ACER1: variants seen among roughly 807,000 people sequenced by gnomAD.
ACER1 encodes CTB-180A7.3.
A neutral mutation model predicts 24.9 loss-of-function variants in ACER1; 28 were observed. The observed-to-expected ratio is 1.13, with a 90% CI of 0.83 to 1.54. ACER1 has a LOEUF of 1.54. Ranked by LOEUF, ACER1 falls within the 40% of genes most tolerant of loss-of-function variation. ACER1 has a pLI of 0.00. For synonymous variants in ACER1, 132 were observed against 131.4 expected, an observed-to-expected ratio of 1.00 and a Z score of -0.03; for missense variants, 352 against 349.3, an observed-to-expected ratio of 1.01 and a Z score of -0.06.
chr19:6,312,850 T>A (rs939587505), intron 1 of ACER1, among the ~76,000 whole-genome samples: 1 of 151,780 alleles, frequency 6.6e-6, no homozygotes, highest in African/African-American at 2.4e-5. Flanking sequence ...TAATTTTTTA[T>A]ATTTTTGGTA....
At chr19:6,314,295 T>C (rs2091593690) in intron 1 of ACER1, among the ~76,000 whole-genome samples, 1 of 151,106 alleles carries the variant, frequency 6.6e-6, no homozygotes, top group South Asian at 2.1e-4. Flanking sequence ...CATGGTGAAA[T>C]CCCATCTCTA....
chr19:6,345,892 A>G, the ACER1 span, among the ~76,000 whole-genome samples: 55 of 150,672 alleles, frequency 3.7e-4, no homozygotes, highest in Non-Finnish European at 5.5e-4. Context: ...TTATAATAAT[A>G]ATAATAATTA....
At position 6,306,552 on chromosome 19, in the gene ACER1, T is replaced by A; in HGVS notation, c.*162A>T. Reference sequence around the variant, plus strand: ...CTGCTCAGAGATGTCACAAAGTCCATCATCTGCCTCAAGGCAGGGCAGCGC... The same window carrying A: ...CTGCTCAGAGATGTCACAAAGTCCAACATCTGCCTCAAGGCAGGGCAGCGC... On this transcript the variant is annotated 3_prime_UTR_variant, in exon 6 of 6. Transcript: ENST00000301452. 1.2e-6 allele frequency: 1 copy of A among 821,566 alleles called. No individual in the cohort carries two copies. The highest frequency in any genetic ancestry group is 1.8e-6 in the Non-Finnish European group (1 of 549,370). The allele number at this position is 821,566 out of a possible 1,614,324, so 50.9% of individuals were successfully genotyped here. A position where few individuals can be genotyped will look rare whatever the true frequency, so the allele number is the denominator to read the frequency against.
the ACER1 span, among the ~76,000 whole-genome samples, chr19:6,347,109 A>AAATATATATATATATATATATAT: frequency 8.8e-6 from 1 of 113,822 alleles, no homozygotes; most frequent in African/African-American, 5.1e-5. Context: ...AAAAAAAAAA[A>AAATATATATATATATATATATAT]ATATATATAT....
chr19:6,351,338 C>A, the ACER1 span, among the ~76,000 whole-genome samples: 3 of 151,496 alleles, frequency 2.0e-5, no homozygotes, highest in African/African-American at 7.3e-5. Context: ...TGCATTCCAG[C>A]CTGGGCAAAA....
chr19:6,326,185 GCA>G (rs1457102161), intron 1 of ACER1, among the ~76,000 whole-genome samples: 1 of 146,956 alleles, frequency 6.8e-6, no homozygotes, highest in African/African-American at 2.5e-5. Flanking sequence ...GAGTGCAGTG[GCA>G]CCATCTCGGC....
chr19:6,353,903 C>T, the ACER1 span, among the ~76,000 whole-genome samples: 121 of 150,210 alleles, frequency 8.1e-4, no homozygotes, highest in African/African-American at 2.7e-3. Flanking sequence ...GTTCTCAGGC[C>T]AGCTGTGATG....
rs575731066 is a variant in ACER1 at position 6,313,633 on chromosome 19, C to G, written c.94-1134G>C. Among the ~76,000 whole-genome samples the G allele has an allele frequency of 1.2e-4, 18 of 152,328 alleles. No homozygotes were observed. The South Asian group carries it at 3.7e-3, about 32-fold the overall frequency. On this transcript the variant is annotated intron_variant, in intron 1 of 5. Coordinates refer to ENST00000301452, the MANE Select transcript of ACER1 (RefSeq NM_133492.3). ...GGAAAGCTTGCCCCCTTTCCTCTTCCTGTGGGCTGAAATGTGGCCATGGAT... is the reference window on the plus strand; with the variant it reads ...GGAAAGCTTGCCCCCTTTCCTCTTCGTGTGGGCTGAAATGTGGCCATGGAT...
At chr19:6,328,370 A>G (rs2091671427) in intron 1 of ACER1, among the ~76,000 whole-genome samples, 1 of 151,724 alleles carries the variant, frequency 6.6e-6, no homozygotes, top group Admixed American at 6.6e-5. Flanking sequence ...AGGTGCCTGT[A>G]GTCCCAGCTA....
At chr19:6,317,314 G>T (rs2091608108) in intron 1 of ACER1, among the ~76,000 whole-genome samples, 1 of 152,160 alleles carries the variant, frequency 6.6e-6, no homozygotes, top group Admixed American at 6.6e-5. Context: ...AACTAAGACA[G>T]GTGTGGAAAG....
At chr19:6,349,368 A>G in the ACER1 span, among the ~76,000 whole-genome samples, 7,836 of 139,434 alleles carry the variant, frequency 0.056, 325 homozygotes, top group African/African-American at 0.11. Context: ...AGGGAGGGAC[A>G]GAAGGAGGGA....
chr19:6,306,605 C>A lies in ACER1; in HGVS notation c.*109G>T. The A allele has an allele frequency of 7.5e-7, 1 of 1,338,780 alleles. No homozygotes were observed. The highest frequency in any genetic ancestry group is 1.4e-5 in the South Asian group (1 of 69,270). The allele number at this position is 1,338,780 out of a possible 1,614,324, so 82.9% of individuals were successfully genotyped here. A position where few individuals can be genotyped will look rare whatever the true frequency, so the allele number is the denominator to read the frequency against. On this transcript the variant is annotated 3_prime_UTR_variant, in exon 6 of 6. Coordinates refer to ENST00000301452, the MANE Select transcript of ACER1 (RefSeq NM_133492.3). ...GACAAGGAGGACACGGAAGGGGAAA[C>A]AGAGGAAGGAACCACGAGTGTCCCG...
upstream of ACER1, among the ~76,000 whole-genome samples, chr19:6,335,913 T>A (rs1175636563): frequency 6.6e-6 from 1 of 151,556 alleles, no homozygotes; most frequent in Admixed American, 6.6e-5. Context: ...TTTCTTTTTT[T>A]TTTTGAAATA....
chr19:6,328,399 G>A (rs543907305), intron 1 of ACER1, among the ~76,000 whole-genome samples: 5 of 142,466 alleles, frequency 3.5e-5, no homozygotes, highest in Admixed American at 7.6e-5. Context: ...GCTGAGACAG[G>A]AAAATTGCTT....
At chr19:6,346,865 C>A in the ACER1 span, among the ~76,000 whole-genome samples, 1 of 151,806 alleles carries the variant, frequency 6.6e-6, no homozygotes, top group Non-Finnish European at 1.5e-5. Context: ...GTTCTCTGCC[C>A]ACCCCCTTCT....
At chr19:6,326,339 G>A (rs2091661864) in intron 1 of ACER1, among the ~76,000 whole-genome samples, 1 of 151,990 alleles carries the variant, frequency 6.6e-6, no homozygotes, top group African/African-American at 2.4e-5. Flanking sequence ...TGTTAGCCAG[G>A]ATGGTCTCGA....
intron 1 of ACER1, among the ~76,000 whole-genome samples, chr19:6,313,344 C>T (rs2091590531): frequency 1.3e-5 from 2 of 152,150 alleles, no homozygotes; most frequent in African/African-American, 4.8e-5. Context: ...TGGTTGCAAG[C>T]TCCCAGCCTC....
upstream of ACER1, among the ~76,000 whole-genome samples, chr19:6,337,661 C>CTTTTTTTTTTTTTTTTTTTTTTTT (rs1192304687): frequency 5.0e-4 from 13 of 25,934 alleles, 5 homozygotes; most frequent in Admixed American, 2.0e-3. Flanking sequence ...TTCTTTCTTT[C>CTTTTTTTTTTTTTTTTTTTTTTTT]TTTTTTTTTT....
At chr19:6,312,089 A>G (rs1264455384) in intron 3 of ACER1, 60 bp downstream of exon 3, 8 of 1,582,512 alleles carry the variant, frequency 5.1e-6, no homozygotes, top group Non-Finnish European at 6.9e-6. Context: ...AGGTGAGCTC[A>G]TGTAGAGTCA....
Sources: allele counts gnomAD v4.1 joint callset (sites outside exome capture counted in the v4.1 genomes callset), GRCh38; gene constraint gnomAD v4.1.1; transcripts MANE v1.5; gene names NCBI Gene and HGNC (gene_info 2026-07-23, HGNC 2026-07-21).